Variants in GRIK2 observed in about 807,000 individuals in gnomAD.
GRIK2 encodes the protein glutamate ionotropic receptor kainate type subunit 2, also known as glutamate receptor ionotropic, kainate 2.
Under a neutral mutation model 100.3 loss-of-function variants are expected in GRIK2, and 32 were observed. The ratio of observed to expected loss-of-function variants is 0.32; its 90% CI spans 0.24 to 0.43. The LOEUF is 0.43. GRIK2 is among the 20% of genes least tolerant of loss of function. GRIK2 has a pLI of 1.00. For missense variants in GRIK2, 843 were observed against 1,114.9 expected (o/e 0.76, Z 3.47); for synonymous variants, 417 against 389.4 (o/e 1.07, Z -0.83).
At chr6:102,048,822 C>T (rs1771029749) in intron 15 of GRIK2, among the ~76,000 whole-genome samples, 1 of 151,846 alleles carries the variant, frequency 6.6e-6, no homozygotes, top group African/African-American at 2.4e-5. Context: ...TCATATACAG[C>T]ATGTAATATA....
chr6:101,397,114 A>G (rs567865935), intron 1 of GRIK2, among the ~76,000 whole-genome samples: 74 of 152,328 alleles, frequency 4.9e-4, no homozygotes, highest in Non-Finnish European at 8.4e-4. Context: ...GATGTGGTAC[A>G]TTTTGTTTTC....
chr6:101,750,080 G>A (rs989521081), intron 7 of GRIK2, among the ~76,000 whole-genome samples: 1 of 151,654 alleles, frequency 6.6e-6, no homozygotes, highest in African/African-American at 2.4e-5. Context: ...CTCCCAAGGT[G>A]CTAGGATTAT....
intron 15 of GRIK2, among the ~76,000 whole-genome samples, chr6:102,040,064 T>A (rs1456987863): frequency 6.6e-6 from 1 of 151,490 alleles, no homozygotes; most frequent in African/African-American, 2.4e-5. Flanking sequence ...AGTCAGTGAG[T>A]GTATAATTAT....
intron 2 of GRIK2, among the ~76,000 whole-genome samples, chr6:101,563,327 T>C (rs1182891031): frequency 1.3e-5 from 2 of 152,316 alleles, no homozygotes; most frequent in Admixed American, 1.3e-4. Context: ...GCAGAAAATA[T>C]ATATTTTTTC....
intron 14 of GRIK2, among the ~76,000 whole-genome samples, chr6:101,988,110 TGTGTGTGTGTGTGTGTGTGTGTGC>T (rs1236776201): frequency 9.5e-5 from 4 of 42,242 alleles, no homozygotes; most frequent in Non-Finnish European, 1.4e-4. Flanking sequence ...TGTGTGTGTG[TGTGTGTGTGTGTGTGTGTGTGTGC>T]GCGCGCGCGC....
intron 7 of GRIK2, among the ~76,000 whole-genome samples, chr6:101,760,641 T>A (rs1777544793): frequency 8.3e-6 from 1 of 119,796 alleles, no homozygotes; most frequent in Non-Finnish European, 1.6e-5. Context: ...TATATATAAT[T>A]ATATATAATT....
At chr6:101,809,303 C>T (rs1781187258) in intron 9 of GRIK2, among the ~76,000 whole-genome samples, 1 of 151,958 alleles carries the variant, frequency 6.6e-6, no homozygotes, top group Non-Finnish European at 1.5e-5. Context: ...GAACATGTTT[C>T]AAAGTGCTTT....
Position 101,792,526 on chromosome 6 carries a change from A to C in GRIK2, c.952-7122A>C, listed in dbSNP as rs1447216147. Among the ~76,000 whole-genome samples, 4 of 151,902 alleles carry C rather than the reference A, an allele frequency of 2.6e-5. No homozygotes were observed. In the East Asian group the frequency reaches 5.8e-4, roughly 22 times the overall value. The stretch of plus-strand genomic sequence containing the variant: ...AAAATTCTTTTCTTTAAGAATGTTG[A>C]ATATTGGCCCCCACTCTCTTCTGGC... On this transcript the variant is annotated intron_variant, in intron 7 of 16. Coordinates refer to ENST00000369134, the MANE Select transcript of GRIK2 (RefSeq NM_021956.5).
chr6:101,606,730 T>A (rs2128311814), intron 2 of GRIK2, among the ~76,000 whole-genome samples: 1 of 152,082 alleles, frequency 6.6e-6, no homozygotes, highest in South Asian at 2.1e-4. Context: ...AGCACTTAAA[T>A]ATATAAAATG....
At chr6:101,742,146 G>A (rs1268218006) in intron 7 of GRIK2, among the ~76,000 whole-genome samples, 11 of 152,192 alleles carry the variant, frequency 7.2e-5, no homozygotes, top group African/African-American at 2.7e-4. Context: ...AAAAGCAAAT[G>A]TATATCTTTT....
chr6:101,550,058 C>G lies in GRIK2; in HGVS notation c.116-71891C>G, dbSNP rs549582622. ...GCACAAATCATTTTCTATTAGCTAT[C>G]AAGCACAAACTGAGCCAAAAGCTCT... On this transcript the variant is annotated intron_variant, in intron 2 of 16. Coordinates refer to ENST00000369134, the MANE Select transcript of GRIK2 (RefSeq NM_021956.5). Among the ~76,000 whole-genome samples, 159 of 152,302 alleles carry G rather than the reference C, an allele frequency of 1.0e-3. 1 individual carries two copies. The highest frequency in any genetic ancestry group is 3.4e-3 in the Middle Eastern group (1 of 294).
intron 2 of GRIK2, among the ~76,000 whole-genome samples, chr6:101,518,710 G>A (rs1000289619): frequency 6.6e-6 from 1 of 152,114 alleles, no homozygotes; most frequent in Non-Finnish European, 1.5e-5. Flanking sequence ...GCATACTCTA[G>A]CATATTAAGG....
intron 14 of GRIK2, among the ~76,000 whole-genome samples, chr6:102,009,998 G>GTA (rs1795441408): frequency 6.6e-6 from 1 of 151,916 alleles, no homozygotes; most frequent in Non-Finnish European, 1.5e-5. Flanking sequence ...TAAGCAACAT[G>GTA]TATATATATA....
intron 2 of GRIK2, among the ~76,000 whole-genome samples, chr6:101,596,656 C>T (rs888818338): frequency 6.6e-6 from 1 of 151,566 alleles, no homozygotes; most frequent in African/African-American, 2.4e-5. Flanking sequence ...CTTTTGACTA[C>T]TTTCTCAGAA....
chr6:101,654,874 C>G (rs531212172), intron 4 of GRIK2, among the ~76,000 whole-genome samples: 1 of 152,300 alleles, frequency 6.6e-6, no homozygotes, highest in South Asian at 2.1e-4. Flanking sequence ...CTTGCATGTA[C>G]TACTCTCAGC....
chr6:101,451,299 T>G (rs1338166), intron 2 of GRIK2, among the ~76,000 whole-genome samples: 58,049 of 151,406 alleles, frequency 0.38, 11,256 homozygotes, highest in Admixed American at 0.44. Flanking sequence ...CTCTTCCCTA[T>G]GAGATGCTAT....
At chr6:101,580,691 A>T (rs930554341) in intron 2 of GRIK2, among the ~76,000 whole-genome samples, 2 of 151,992 alleles carry the variant, frequency 1.3e-5, no homozygotes, top group Non-Finnish European at 2.9e-5. Context: ...TCTCTGCCCT[A>T]AGTTCCTACC....
chr6:101,672,180 G>C (rs115655989), intron 4 of GRIK2, among the ~76,000 whole-genome samples: 2 of 152,026 alleles, frequency 1.3e-5, no homozygotes, highest in Non-Finnish European at 2.9e-5. Context: ...CAACCAACCC[G>C]CACAACCCTT....
chr6:101,862,812 A>G (rs1188238120), intron 11 of GRIK2, among the ~76,000 whole-genome samples: 1 of 152,176 alleles, frequency 6.6e-6, no homozygotes, highest in African/African-American at 2.4e-5. Flanking sequence ...ACTACAGAAA[A>G]AATATGGAAG....
Sources: allele counts gnomAD v4.1 joint callset (sites outside exome capture counted in the v4.1 genomes callset), GRCh38; gene constraint gnomAD v4.1.1; transcripts MANE v1.5; gene names NCBI Gene and HGNC (gene_info 2026-07-23, HGNC 2026-07-21).